The following PRKN variants were observed in gnomAD, a reference collection of about 807,000 sequenced individuals.
PRKN encodes the protein parkin RBR E3 ubiquitin protein ligase, also known as E3 ubiquitin-protein ligase parkin.
A neutral mutation model predicts 59.5 loss-of-function variants in PRKN; 56 were observed. The observed-to-expected ratio is 0.94, with a 90% CI of 0.76 to 1.18. The LOEUF (loss-of-function observed/expected upper bound fraction) is 1.18. Ranked by LOEUF, PRKN falls within the 50% of genes most tolerant of loss-of-function variation. The pLI is 0.00. For synonymous variants in PRKN, 250 were observed against 222.1 expected, an observed-to-expected ratio of 1.13 and a Z score of -1.12; for missense variants, 657 against 596.4, an observed-to-expected ratio of 1.10 and a Z score of -1.06.
intron 9 of PRKN, among the ~76,000 whole-genome samples, chr6:161,450,549 G>GTTTTCTT (rs1789684194): frequency 6.6e-6 from 1 of 151,322 alleles, no homozygotes; most frequent in Non-Finnish European, 1.5e-5. Flanking sequence ...TTTACTTAAT[G>GTTTTCTT]TTTTCTTTTT....
At chr6:162,489,636 A>G (rs925829121) in intron 1 of PRKN, among the ~76,000 whole-genome samples, 4 of 152,208 alleles carry the variant, frequency 2.6e-5, no homozygotes, top group Admixed American at 2.6e-4. Flanking sequence ...CAAAGGAGTT[A>G]TAAGTATGTT....
chr6:161,404,875 A>G (rs566398820), intron 9 of PRKN, among the ~76,000 whole-genome samples: 3 of 152,226 alleles, frequency 2.0e-5, no homozygotes, highest in Non-Finnish European at 4.4e-5. Flanking sequence ...CGGTAGCAAC[A>G]TACTTCTAAA....
intron 7 of PRKN, among the ~76,000 whole-genome samples, chr6:161,780,566 T>G (rs1790160501): frequency 6.6e-6 from 1 of 152,168 alleles, no homozygotes; most frequent in African/African-American, 2.4e-5. Context: ...CTTATCTCAT[T>G]TTAATTAAAT....
At chr6:162,590,326 GA>G (rs1194928929) in intron 1 of PRKN, among the ~76,000 whole-genome samples, 2 of 152,082 alleles carry the variant, frequency 1.3e-5, no homozygotes, top group African/African-American at 4.8e-5. Context: ...CAAATGAAAA[GA>G]AAGTATCTGA....
At chr6:161,676,483 T>C (rs6455757) in intron 7 of PRKN, among the ~76,000 whole-genome samples, 16,226 of 152,228 alleles carry the variant, frequency 0.11, 1,244 homozygotes, top group African/African-American at 0.22. Context: ...AAGAATACTA[T>C]TTCATGATGA....
At chr6:162,412,195 T>C (rs901410966) in intron 2 of PRKN, among the ~76,000 whole-genome samples, 2 of 152,166 alleles carry the variant, frequency 1.3e-5, no homozygotes, top group African/African-American at 4.8e-5. Context: ...ATTGGAACGA[T>C]AAATGACATG....
At chr6:161,866,070 G>A (rs1410677286) in intron 6 of PRKN, among the ~76,000 whole-genome samples, 1 of 151,976 alleles carries the variant, frequency 6.6e-6, no homozygotes, top group African/African-American at 2.4e-5. Flanking sequence ...TGTATCTCTG[G>A]GATTAGGGAG....
intron 1 of PRKN, among the ~76,000 whole-genome samples, chr6:162,525,230 G>A (rs1778232610): frequency 6.6e-6 from 1 of 151,992 alleles, no homozygotes; most frequent in South Asian, 2.1e-4. Flanking sequence ...CTCTGTGTGT[G>A]TGTATTTGTT....
intron 8 of PRKN, among the ~76,000 whole-genome samples, chr6:161,558,746 G>T (rs913581752): frequency 2.0e-5 from 3 of 151,792 alleles, no homozygotes; most frequent in Admixed American, 6.6e-5. Flanking sequence ...TTTTCTATAC[G>T]CATTAGAAAT....
intron 7 of PRKN, among the ~76,000 whole-genome samples, chr6:161,696,980 T>C (rs1035129664): frequency 2.0e-5 from 3 of 152,204 alleles, no homozygotes; most frequent in Non-Finnish European, 2.9e-5. Context: ...CTGGATCACA[T>C]GCACAGAGCC....
intron 7 of PRKN, among the ~76,000 whole-genome samples, chr6:161,784,953 G>T (rs915450027): frequency 2.9e-4 from 44 of 152,126 alleles, no homozygotes; most frequent in African/African-American, 1.0e-3. Context: ...ATTCATACAC[G>T]CTACAACTTG....
intron 6 of PRKN, among the ~76,000 whole-genome samples, chr6:161,791,601 G>A (rs1351708392): frequency 6.6e-6 from 1 of 152,316 alleles, no homozygotes. Context: ...TGGATGAAAT[G>A]TGACATATAT....
intron 6 of PRKN, among the ~76,000 whole-genome samples, chr6:161,933,569 G>A (rs991503578): frequency 3.3e-5 from 5 of 152,168 alleles, no homozygotes; most frequent in South Asian, 2.1e-4. Context: ...TGGTGTCACA[G>A]TTCCCCTGCA....
In PRKN at chr6:161,967,886, GATAAGGTGAAC is replaced by G. The variant is rs1232762460; in HGVS notation, c.734+5405_734+5415del. 2.6e-5 allele frequency among the ~76,000 whole-genome samples: 4 copies of G among 152,262 alleles called. No individual in the cohort carries two copies. In the East Asian group the frequency reaches 7.7e-4, roughly 29 times the overall value. On this transcript the variant is annotated intron_variant, in intron 6 of 11. Transcript: ENST00000366898. ...CCCAGTAAACCTACATTTTACATAA[GATAAGGTGAAC>G]ATTTAAAGAAAATCAGAATAGAGGA...
intron 5 of PRKN, among the ~76,000 whole-genome samples, chr6:162,016,616 T>A (rs553239958): frequency 3.9e-5 from 6 of 152,108 alleles, no homozygotes; most frequent in Non-Finnish European, 7.4e-5. Context: ...CCATGCAAGT[T>A]ACCCTGGAAC....
At chr6:162,235,942 G>GAAGGAAGA (rs1562602107) in intron 3 of PRKN, among the ~76,000 whole-genome samples, 10 of 94,406 alleles carry the variant, frequency 1.1e-4, no homozygotes, top group African/African-American at 3.4e-4. Context: ...AGGAAGGAAG[G>GAAGGAAGA]AAGGAAGGAA....
intron 6 of PRKN, among the ~76,000 whole-genome samples, chr6:161,945,581 T>C (rs1779748895): frequency 6.6e-6 from 1 of 152,182 alleles, no homozygotes; most frequent in African/African-American, 2.4e-5. Flanking sequence ...GACTTAACAG[T>C]AACCTATCTT....
At chr6:161,857,897 A>G (rs1002335953) in intron 6 of PRKN, among the ~76,000 whole-genome samples, 4 of 152,216 alleles carry the variant, frequency 2.6e-5, no homozygotes, top group African/African-American at 9.6e-5. Flanking sequence ...TAACAGCCAA[A>G]TAAGTATTAA....
chr6:162,451,475 A>T (rs1790623341), intron 1 of PRKN, among the ~76,000 whole-genome samples: 1 of 152,042 alleles, frequency 6.6e-6, no homozygotes, highest in South Asian at 2.1e-4. Flanking sequence ...CACTCCTAGC[A>T]ATTTTTTGGG....
Sources: allele counts gnomAD v4.1 joint callset (sites outside exome capture counted in the v4.1 genomes callset), GRCh38; gene constraint gnomAD v4.1.1; transcripts MANE v1.5; gene names NCBI Gene and HGNC (gene_info 2026-07-23, HGNC 2026-07-21).